Variants in TOM1L2 observed in about 807,000 individuals in gnomAD.
TOM1L2 encodes target of myb1 like 2 membrane trafficking protein, also known as TOM1-like protein 2.
In TOM1L2, 31 loss-of-function variants were observed where a neutral mutation model predicts 67.9. That is an observed-to-expected ratio of 0.46 (90% CI 0.34 to 0.62). The LOEUF (loss-of-function observed/expected upper bound fraction) is 0.62. Ranked by LOEUF, TOM1L2 falls within the 20% of genes least tolerant of loss-of-function variation. The pLI, the probability that TOM1L2 is intolerant of heterozygous loss-of-function variation, is 0.01. For synonymous variants in TOM1L2, 256 were observed against 254.0 expected (o/e 1.01, Z -0.07); for missense variants, 606 against 663.5 (o/e 0.91, Z 0.95).
chr17:17,950,857 A>T (rs149968726), intron 1 of TOM1L2, among the ~76,000 whole-genome samples: 451 of 152,298 alleles, frequency 3.0e-3, no homozygotes, highest in Non-Finnish European at 5.0e-3. Context: ...GAGAATGGAA[A>T]CTGCAAGATC....
At chr17:17,880,099 G>A (rs563838196) in intron 6 of TOM1L2, among the ~76,000 whole-genome samples, 20 of 152,262 alleles carry the variant, frequency 1.3e-4, no homozygotes, top group African/African-American at 3.6e-4. Context: ...CAGGGCTTCC[G>A]TTCCTGCTCT....
At chr17:17,890,686 G>A (rs982701223) in intron 4 of TOM1L2, among the ~76,000 whole-genome samples, 1 of 152,176 alleles carries the variant, frequency 6.6e-6, no homozygotes, top group Non-Finnish European at 1.5e-5. Context: ...GAGAAGACTC[G>A]TCTATGCTGT....
chr17:17,928,951 TTC>T (rs1317481592), intron 1 of TOM1L2, among the ~76,000 whole-genome samples: 1 of 152,212 alleles, frequency 6.6e-6, no homozygotes, highest in Non-Finnish European at 1.5e-5. Flanking sequence ...CAAGCAGACT[TTC>T]TGTCTAGATC....
intron 7 of TOM1L2, among the ~76,000 whole-genome samples, chr17:17,875,046 C>T (rs1157811649): frequency 6.6e-6 from 1 of 152,136 alleles, no homozygotes; most frequent in Non-Finnish European, 1.5e-5. Flanking sequence ...CACTTGAGGT[C>T]ACGAGTTCAA....
At position 17,847,530 on chromosome 17, in the gene TOM1L2, G is replaced by A. The variant is rs1327757710; in HGVS notation, c.*105C>T. The A allele has an allele frequency of 7.0e-7, 1 of 1,430,388 alleles. No homozygotes were observed. Among genetic ancestry groups the A allele is most frequent in the Non-Finnish European group, 9.4e-7 (1 of 1,068,966 alleles). 88.6% of individuals were successfully genotyped at this position (1,430,388 alleles called of 1,614,324 possible). A position where few individuals can be genotyped will look rare whatever the true frequency, so the allele number is the denominator to read the frequency against. On this transcript the variant is annotated 3_prime_UTR_variant, in exon 15 of 15. Transcript: ENST00000379504. ...ACGGTGGCATTTCCATGGAAACACAGGTGTGCAGGCCGTGTGGAGCTGGGG... is the reference window on the plus strand; with the variant it reads ...ACGGTGGCATTTCCATGGAAACACAAGTGTGCAGGCCGTGTGGAGCTGGGG...
intron 4 of TOM1L2, among the ~76,000 whole-genome samples, chr17:17,893,058 C>T (rs771136426): frequency 3.3e-5 from 5 of 152,202 alleles, no homozygotes; most frequent in Admixed American, 2.0e-4. Context: ...GAACATTTTC[C>T]GTTTGAAGGT....
At chr17:17,960,130 C>G (rs532341963) in intron 1 of TOM1L2, among the ~76,000 whole-genome samples, 1 of 152,314 alleles carries the variant, frequency 6.6e-6, no homozygotes, top group East Asian at 1.9e-4. Context: ...ACATAATTTA[C>G]AATACTAGTG....
rs116239767 is a variant in TOM1L2 at position 17,917,799 on chromosome 17, T to A, written c.53-10268A>T. ...AGGAGACCCCATCCCTACAAAAAAT[T>A]TAAAAATTAGCCAGGAGTGGTGGCT... On this transcript the variant is annotated intron_variant, in intron 1 of 14. Coordinates refer to ENST00000379504, the MANE Select transcript of TOM1L2 (RefSeq NM_001082968.2). 8.1e-3 allele frequency among the ~76,000 whole-genome samples: 1,227 copies of A among 151,970 alleles called. 23 individuals are homozygous for A. The highest frequency in any genetic ancestry group is 0.027 in the African/African-American group (1,135 of 41,430).
chr17:17,953,360 T>A (rs2041290061), intron 1 of TOM1L2, among the ~76,000 whole-genome samples: 3 of 152,226 alleles, frequency 2.0e-5, no homozygotes, highest in South Asian at 4.1e-4. Flanking sequence ...CAGAGAGTCA[T>A]TCTGGTCCTT....
chr17:17,865,504 G>A (rs1164757168), intron 10 of TOM1L2, among the ~76,000 whole-genome samples: 2 of 151,834 alleles, frequency 1.3e-5, no homozygotes, highest in East Asian at 3.9e-4. Flanking sequence ...AGCCTCCTGA[G>A]TAGCTGGGAC....
intron 1 of TOM1L2, among the ~76,000 whole-genome samples, chr17:17,964,875 T>C (rs970975705): frequency 1.3e-5 from 2 of 152,246 alleles, no homozygotes; most frequent in Non-Finnish European, 2.9e-5. Context: ...TGTCATTGCA[T>C]ATGATAAACA....
At chr17:17,913,961 G>A (rs1171001119) in intron 1 of TOM1L2, among the ~76,000 whole-genome samples, 2 of 152,166 alleles carry the variant, frequency 1.3e-5, no homozygotes, top group Non-Finnish European at 2.9e-5. Flanking sequence ...GTTCTGTGAA[G>A]GGGAGAGACT....
At chr17:17,949,297 GAAC>G (rs1234218186) in intron 1 of TOM1L2, among the ~76,000 whole-genome samples, 1 of 152,308 alleles carries the variant, frequency 6.6e-6, no homozygotes, top group Non-Finnish European at 1.5e-5. Flanking sequence ...CGACATTACT[GAAC>G]ATCTAGCACG....
At chr17:17,862,549 G>A (rs2036616717) in intron 11 of TOM1L2, 182 bp downstream of exon 11, 5 of 608,162 alleles carry the variant, frequency 8.2e-6, no homozygotes, top group South Asian at 8.0e-5. Context: ...GGGTGGGGGA[G>A]GAGGTGGGCA....
chr17:17,919,510 C>A (rs2039764686), intron 1 of TOM1L2, among the ~76,000 whole-genome samples: 2 of 152,370 alleles, frequency 1.3e-5, no homozygotes, highest in East Asian at 3.9e-4. Context: ...GCTTGCCCCA[C>A]CTGTAGGGTA....
intron 6 of TOM1L2, among the ~76,000 whole-genome samples, 195 bp downstream of exon 6, chr17:17,882,510 G>C (rs1234680691): frequency 1.3e-5 from 2 of 152,184 alleles, no homozygotes. Context: ...CCTTGGTTCT[G>C]CTCCCCACCA....
chr17:17,847,349 G>C lies in TOM1L2; in HGVS notation c.*286C>G, dbSNP rs2035698246. ...GTGGTCTGCTCAGGAAGCACTGCCTGGGGCTGGGCCACTCTGCCCGCTCTT... is the reference window on the plus strand; with the variant it reads ...GTGGTCTGCTCAGGAAGCACTGCCTCGGGCTGGGCCACTCTGCCCGCTCTT... On this transcript the variant is annotated 3_prime_UTR_variant, in exon 15 of 15. Transcript: ENST00000379504. 2.1e-6 allele frequency: 1 copy of C among 466,348 alleles called. No homozygotes were observed. The highest frequency in any genetic ancestry group is 2.0e-5 in the African/African-American group (1 of 50,464). 28.9% of individuals were successfully genotyped at this position (466,348 alleles called of 1,614,324 possible). A position where few individuals can be genotyped will look rare whatever the true frequency, so the allele number is the denominator to read the frequency against.
intron 1 of TOM1L2, among the ~76,000 whole-genome samples, chr17:17,950,976 T>C (rs2041180294): frequency 6.6e-6 from 1 of 151,742 alleles, no homozygotes; most frequent in South Asian, 2.1e-4. Flanking sequence ...AGGAAGGGGG[T>C]GCTGTTTCAT....
At chr17:17,946,527 T>C (rs927713427) in intron 1 of TOM1L2, among the ~76,000 whole-genome samples, 1 of 152,210 alleles carries the variant, frequency 6.6e-6, no homozygotes, top group Non-Finnish European at 1.5e-5. Context: ...TTCTATTTTT[T>C]ATTAGCACTT....
Sources: gnomAD v4.1 joint callset for allele counts (sites outside exome capture counted in the v4.1 genomes callset) on GRCh38, gnomAD v4.1.1 for gene constraint, MANE v1.5 for transcripts, NCBI Gene and HGNC (gene_info 2026-07-23, HGNC 2026-07-21) for gene names.